The following RFX8 variants were observed in gnomAD, a reference collection of about 807,000 sequenced individuals.
RFX8 encodes regulatory factor X8, also known as DNA-binding protein RFX8.
RFX8 carries 46 observed loss-of-function variants against 54.6 expected under a neutral mutation model. That is an observed-to-expected ratio of 0.84 (90% CI 0.67 to 1.08). The LOEUF is 1.08. RFX8 is among the 50% of genes least tolerant of loss of function. The pLI, the probability that RFX8 is intolerant of heterozygous loss-of-function variation, is 0.00. For missense variants in RFX8, 536 were observed against 562.3 expected (o/e 0.95, Z 0.47); for synonymous variants, 192 against 209.5 (o/e 0.92, Z 0.72).
intron 2 of RFX8, among the ~76,000 whole-genome samples, chr2:101,453,602 C>A (rs367918136): frequency 9.1e-4 from 139 of 152,160 alleles, no homozygotes; most frequent in Middle Eastern, 3.4e-3. Context: ...AAACAAAAAA[C>A]CCTCAATGTA....
chr2:101,472,938 G>T (rs1690091097), intron 1 of RFX8, among the ~76,000 whole-genome samples: 1 of 151,992 alleles, frequency 6.6e-6, no homozygotes, highest in African/African-American at 2.4e-5. Flanking sequence ...AGAATCACTT[G>T]AACTCAGGAG....
intron 2 of RFX8, chr2:101,452,257 T>C (rs1423348169): frequency 7.8e-6 from 4 of 512,574 alleles, no homozygotes; most frequent in Non-Finnish European, 1.3e-5. Context: ...TTAATGCGAA[T>C]TGTGGACACT....
chr2:101,412,248 C>T (rs1558844366), intron 8 of RFX8, among the ~76,000 whole-genome samples: 3 of 152,194 alleles, frequency 2.0e-5, no homozygotes, highest in East Asian at 1.9e-4. Context: ...CTTCCTGCCT[C>T]CCAGGTCCTC....
rs1686607916 is a variant in RFX8, at chr2:101,417,652, C to T, written c.384G>A (p.Leu128=). The change falls in exon 6 of 12, where the codon TTG becomes TTA. Residue 128 remains leucine (L), a synonymous_variant. Transcript: ENST00000428343. Reference sequence around the variant, plus strand: ...TCAGGTACTGAATAGAAACATCTTCCAAGAAGTCATGAAGGAGAACATCCT... The same window carrying T: ...TCAGGTACTGAATAGAAACATCTTCTAAGAAGTCATGAAGGAGAACATCCT... ...GIEDVLLHDF[L]EDVSIQYLKS... 1 of 1,549,330 alleles carries T rather than the reference C, an allele frequency of 6.5e-7. No individual in the cohort carries two copies. The highest frequency in any genetic ancestry group is 8.7e-7 in the Non-Finnish European group (1 of 1,146,182).
intron 2 of RFX8, chr2:101,435,043 C>T (rs1687697102): frequency 6.6e-6 from 1 of 152,338 alleles, no homozygotes; most frequent in Non-Finnish European, 1.5e-5. Context: ...CCGCCGCCGG[C>T]TCCCTGTGAA....
intron 2 of RFX8, among the ~76,000 whole-genome samples, chr2:101,423,000 A>G (rs1686951396): frequency 6.6e-6 from 1 of 152,130 alleles, no homozygotes; most frequent in Non-Finnish European, 1.5e-5. Context: ...GCTCATGCCT[A>G]TAATCCCAGC....
chr2:101,449,367 G>A (rs563543011), intron 2 of RFX8, among the ~76,000 whole-genome samples: 1 of 152,158 alleles, frequency 6.6e-6, no homozygotes, highest in African/African-American at 2.4e-5. Context: ...GCTGAGGAGG[G>A]GAAGGCCATA....
intron 2 of RFX8, among the ~76,000 whole-genome samples, chr2:101,448,050 A>G (rs1453902311): frequency 6.6e-6 from 1 of 152,200 alleles, no homozygotes; most frequent in Non-Finnish European, 1.5e-5. Context: ...AGCCTCTTTT[A>G]TAAGGTTATT....
chr2:101,466,373 C>T (rs1216315459), intron 2 of RFX8, among the ~76,000 whole-genome samples: 8 of 151,896 alleles, frequency 5.3e-5, no homozygotes, highest in Admixed American at 2.6e-4. Flanking sequence ...GTTCTCTCAG[C>T]GCAACCAAAT....
intron 4 of RFX8, among the ~76,000 whole-genome samples, chr2:101,419,523 G>GT (rs1223125231): frequency 1.3e-5 from 2 of 152,198 alleles, no homozygotes; most frequent in South Asian, 2.1e-4. Context: ...CCTCTTTTCT[G>GT]TTTTTTCCCA....
At chr2:101,472,145 C>T (rs185739154) in intron 1 of RFX8, among the ~76,000 whole-genome samples, 19 of 152,262 alleles carry the variant, frequency 1.2e-4, no homozygotes, top group African/African-American at 4.3e-4. Context: ...TTGTCGCCCA[C>T]GCTGAAGCAG....
At chr2:101,421,461 A>T in intron 4 of RFX8, 3 of 1,153,916 alleles carry the variant, frequency 2.6e-6, no homozygotes, top group Non-Finnish European at 3.2e-6. Flanking sequence ...GATCTAAAAA[A>T]TAGCTGAATT....
At chr2:101,454,252 T>G (rs1368906702) in intron 2 of RFX8, among the ~76,000 whole-genome samples, 2 of 152,208 alleles carry the variant, frequency 1.3e-5, no homozygotes, top group African/African-American at 4.8e-5. Flanking sequence ...CTGCATAGTA[T>G]TCCATGGTGT....
chr2:101,403,495 G>A (rs1325984440), intron 10 of RFX8, among the ~76,000 whole-genome samples: 7 of 152,210 alleles, frequency 4.6e-5, no homozygotes, highest in Admixed American at 6.5e-5. Context: ...GATATAAAAT[G>A]GACACATCAG....
chr2:101,448,787 C>T (rs557760937), intron 2 of RFX8, among the ~76,000 whole-genome samples: 2 of 152,272 alleles, frequency 1.3e-5, no homozygotes, highest in East Asian at 3.9e-4. Flanking sequence ...AACTAGAACA[C>T]CTTTGAGAGT....
intron 2 of RFX8, among the ~76,000 whole-genome samples, chr2:101,459,821 A>G (rs1422295618): frequency 6.6e-6 from 1 of 152,204 alleles, no homozygotes; most frequent in Admixed American, 6.5e-5. Flanking sequence ...CCTTTTGTTC[A>G]GCTATGCCCT....
intron 11 of RFX8, among the ~76,000 whole-genome samples, chr2:101,398,926 TTC>T (rs201131640): frequency 0.014 from 2,151 of 152,338 alleles, 21 homozygotes; most frequent in Middle Eastern, 0.034. Context: ...GGTGTTTTTC[TTC>T]TTTTTCAAAA....
At chr2:101,473,593 C>G (rs73943488) in intron 1 of RFX8, among the ~76,000 whole-genome samples, 6,080 of 152,240 alleles carry the variant, frequency 0.04, 395 homozygotes, top group African/African-American at 0.13. Context: ...AAAATGTACT[C>G]TGTTATATAA....
At chr2:101,405,032 ACTG>A (rs1023794696) in intron 10 of RFX8, among the ~76,000 whole-genome samples, 4 of 152,064 alleles carry the variant, frequency 2.6e-5, no homozygotes, top group Non-Finnish European at 5.9e-5. Context: ...TTATCTTTCC[ACTG>A]CTGTATGCCC....
Sources: allele counts gnomAD v4.1 joint callset (sites outside exome capture counted in the v4.1 genomes callset), GRCh38; gene constraint gnomAD v4.1.1; transcripts MANE v1.5; gene names NCBI Gene and HGNC (gene_info 2026-07-23, HGNC 2026-07-21).